ZNF831: variants seen among roughly 807,000 people sequenced by gnomAD.
ZNF831 encodes chromosome 20 open reading frame 174.
In ZNF831, 59 loss-of-function variants were observed where a neutral mutation model predicts 95.8. That is an observed-to-expected ratio of 0.62 (90% CI 0.50 to 0.77). ZNF831 has a LOEUF of 0.77. Ranked by LOEUF, ZNF831 falls within the 30% of genes least tolerant of loss-of-function variation. The probability of loss-of-function intolerance (pLI) is 0.00; values close to 1 mark genes in which losing one functional copy is unlikely to be tolerated. For synonymous variants in ZNF831, 961 were observed against 925.5 expected (o/e 1.04, Z -0.70); for missense variants, 2,205 against 2,164.0 (o/e 1.02, Z -0.38).
At chr20:59,186,576 A>T (rs1983059530) in intron 1 of ZNF831, among the ~76,000 whole-genome samples, 1 of 152,178 alleles carries the variant, frequency 6.6e-6, no homozygotes, top group South Asian at 2.1e-4. Context: ...ACCCTCTAGC[A>T]AGATGGTTAA....
chr20:59,248,373 C>G (rs1855733742), intron 4 of ZNF831, among the ~76,000 whole-genome samples: 1 of 152,206 alleles, frequency 6.6e-6, no homozygotes, highest in Admixed American at 6.5e-5. Context: ...TAGTGTCCTT[C>G]CTCAATAATC....
intron 4 of ZNF831, among the ~76,000 whole-genome samples, chr20:59,237,407 C>T (rs1272157407): frequency 4.6e-5 from 7 of 152,090 alleles, no homozygotes; most frequent in South Asian, 2.1e-4. Context: ...AGTGCAGTGG[C>T]GCGATCTCAG....
At chr20:59,252,909 C>A in intron 4 of ZNF831, 69 bp from the exon 5 acceptor site, 1 of 1,516,254 alleles carries the variant, frequency 6.6e-7, no homozygotes, top group Non-Finnish European at 8.9e-7. Context: ...CATGGACAAC[C>A]TCCCAGGAAA....
chr20:59,237,740 T>C (rs1987081926), intron 4 of ZNF831, among the ~76,000 whole-genome samples: 2 of 152,172 alleles, frequency 1.3e-5, no homozygotes, highest in South Asian at 4.1e-4. Flanking sequence ...AAGATGTCTT[T>C]ATTGATGATA....
chr20:59,199,103 CTA>C (rs1984343497), intron 3 of ZNF831, among the ~76,000 whole-genome samples: 1 of 113,184 alleles, frequency 8.8e-6, no homozygotes, highest in African/African-American at 3.5e-5. Context: ...ATCTATCTAT[CTA>C]TCTATCTATC....
chr20:59,135,223 G>C (rs1014093622), intron 1 of ZNF831, among the ~76,000 whole-genome samples: 2 of 152,170 alleles, frequency 1.3e-5, no homozygotes, highest in East Asian at 1.9e-4. Context: ...CTCACAATCT[G>C]TTTGTCAGAG....
At position 59,240,583 on chromosome 20, in the gene ZNF831, C is replaced by T. The variant is rs192481937; in HGVS notation, c.4028-12395C>T. 5.7e-3 allele frequency among the ~76,000 whole-genome samples: 871 copies of T among 151,876 alleles called. 28 individuals are homozygous for T. The East Asian group carries it at 0.065, about 11-fold the overall frequency. On this transcript the variant is annotated intron_variant, in intron 4 of 5. Transcript: ENST00000371030. ...TTGGGAGGCTGAGGCGGGCGGATCA[C>T]GAGGTCAGGAGATGGAGACCATCCT...
chr20:59,204,943 T>C (rs1253550701), intron 3 of ZNF831, among the ~76,000 whole-genome samples: 1 of 152,184 alleles, frequency 6.6e-6, no homozygotes, highest in Non-Finnish European at 1.5e-5. Context: ...TAAACAGTCC[T>C]TTGAAGACAT....
chr20:59,163,014 GGTGTGTGT>G (rs58451639), upstream of ZNF831, among the ~76,000 whole-genome samples: 462 of 136,522 alleles, frequency 3.4e-3, 4 homozygotes, highest in Middle Eastern at 0.04. Context: ...TGTATTCCTA[GGTGTGTGT>G]GTGTGTGTGT....
At chr20:59,213,411 G>A (rs562495939) in intron 4 of ZNF831, among the ~76,000 whole-genome samples, 77 of 152,220 alleles carry the variant, frequency 5.1e-4, no homozygotes, top group African/African-American at 1.6e-3. Flanking sequence ...GTGGTATTGC[G>A]AATTAATTGT....
intron 1 of ZNF831, among the ~76,000 whole-genome samples, chr20:59,131,039 C>T (rs902857327): frequency 5.3e-5 from 8 of 152,112 alleles, no homozygotes; most frequent in African/African-American, 1.9e-4. Flanking sequence ...GTGTCTCGCT[C>T]AGTAAACATG....
chr20:59,142,141 G>A lies in ZNF831; in HGVS notation c.-1424-4090G>A, dbSNP rs951773848. ...CCATATGGACTAAGTGAACCAATCA[G>A]ATCCTCCCTCAACACAGTTGAGTGA... On this transcript the variant is annotated intron_variant, in intron 1 of 7. Coordinates refer to the ZNF831 transcript ENST00000637017. Among the ~76,000 whole-genome samples, 12 of 152,294 alleles carry A rather than the reference G, an allele frequency of 7.9e-5. No individual in the cohort carries two copies. The East Asian group carries it at 2.3e-3, about 29-fold the overall frequency.
intron 1 of ZNF831, among the ~76,000 whole-genome samples, chr20:59,177,470 T>G (rs1235301422): frequency 6.6e-6 from 1 of 152,202 alleles, no homozygotes; most frequent in South Asian, 2.1e-4. Context: ...GCCTTTGCAT[T>G]GCAGGAAACA....
In ZNF831 at chr20:59,193,758, C is replaced by G; in HGVS notation, c.2739C>G (p.Pro913=). 2 of 1,608,612 alleles carry G rather than the reference C, an allele frequency of 1.2e-6. No homozygotes were observed. Among genetic ancestry groups the G allele is most frequent in the Non-Finnish European group, 1.7e-6 (2 of 1,177,198 alleles). The part of the protein sequence containing the change: ...ATPLHPAAPA[P]AEHPSLATPP... Reference sequence around the variant, plus strand: ...CACTGCATCCTGCAGCCCCAGCCCCCGCAGAGCACCCCTCGCTGGCCACCC... The same window carrying G: ...CACTGCATCCTGCAGCCCCAGCCCCGGCAGAGCACCCCTCGCTGGCCACCC... Residue 913 remains proline (P), a synonymous_variant, in exon 2 of 6, where the codon CCC becomes CCG. Transcript: ENST00000371030.
rs1983824023 is a variant in ZNF831, at chr20:59,193,735, C to A, written c.2716C>A (p.Leu906Met). 1 of 1,610,526 alleles carries A rather than the reference C, an allele frequency of 6.2e-7. No homozygotes were observed. Among genetic ancestry groups the A allele is most frequent in the Non-Finnish European group, 8.5e-7 (1 of 1,178,266 alleles). The change falls in exon 2 of 6, where the codon CTG becomes ATG. Residue 906 changes from leucine to methionine, a missense_variant. Leu to Met is a conservative substitution (Grantham distance 15, BLOSUM62 2). Coordinates refer to ENST00000371030, the MANE Select transcript of ZNF831 (RefSeq NM_178457.3). ...RVGPRDKATP[L>M]HPAAPAPAEH... is the part of the protein sequence containing the mutation. ...GGGGCCAAGGGACAAGGCTACCCCA[C>A]TGCATCCTGCAGCCCCAGCCCCCGC...
intron 1 of ZNF831, among the ~76,000 whole-genome samples, chr20:59,133,538 C>T (rs1979410408): frequency 6.6e-6 from 1 of 152,324 alleles, no homozygotes; most frequent in African/African-American, 2.4e-5. Flanking sequence ...ATGGGCAGAA[C>T]AAGTGGCCCC....
chr20:59,185,057 G>T (rs1047262841), intron 1 of ZNF831, among the ~76,000 whole-genome samples: 27 of 151,432 alleles, frequency 1.8e-4, no homozygotes, highest in African/African-American at 4.9e-4. Flanking sequence ...GGTGACCAAG[G>T]GGCTGTCCCG....
chr20:59,241,134 T>G (rs2146725127), intron 4 of ZNF831, among the ~76,000 whole-genome samples: 1 of 152,316 alleles, frequency 6.6e-6, no homozygotes, highest in East Asian at 1.9e-4. Flanking sequence ...TCTGTAAGAA[T>G]TTGGCCCCTC....
At chr20:59,201,725 A>G (rs968848682) in intron 3 of ZNF831, among the ~76,000 whole-genome samples, 2 of 152,022 alleles carry the variant, frequency 1.3e-5, no homozygotes, top group African/African-American at 4.8e-5. Flanking sequence ...TTGTTGATCT[A>G]TTTGTCTATT....
Sources: allele counts gnomAD v4.1 joint callset (sites outside exome capture counted in the v4.1 genomes callset), GRCh38; gene constraint gnomAD v4.1.1; transcripts MANE v1.5; gene names NCBI Gene and HGNC (gene_info 2026-07-23, HGNC 2026-07-21).